The following ADGRL3 variants were observed in gnomAD, a reference collection of about 807,000 sequenced individuals.
The protein encoded by ADGRL3 is calcium-independent alpha-latrotoxin receptor 3.
A neutral mutation model predicts 153.5 loss-of-function variants in ADGRL3; 62 were observed. The ratio of observed to expected loss-of-function variants is 0.40; its 90% confidence interval spans 0.33 to 0.50. ADGRL3 has a LOEUF of 0.50. Among genes scored for constraint, ADGRL3 ranks in the 20% least tolerant of loss-of-function variants. The pLI is 0.47. For synonymous variants in ADGRL3, 710 were observed against 672.5 expected (o/e 1.06, Z -0.86); for missense variants, 1,641 against 1,859.4 (o/e 0.88, Z 2.16).
At chr4:61,933,762 C>T (rs963994019) in intron 13 of ADGRL3, 7 of 152,146 alleles carry the variant, frequency 4.6e-5, no homozygotes, top group Non-Finnish European at 1.0e-4. Context: ...CAGGAGAAAA[C>T]ACTGCATTGT....
At chr4:61,221,217 A>C (rs1168461739) in intron 1 of ADGRL3, among the ~76,000 whole-genome samples, 2 of 152,202 alleles carry the variant, frequency 1.3e-5, no homozygotes, top group Non-Finnish European at 2.9e-5. Context: ...ACATTTAGCA[A>C]ATGTATTGGA....
chr4:61,241,163 A>T (rs1056141463), intron 1 of ADGRL3, among the ~76,000 whole-genome samples: 2 of 152,040 alleles, frequency 1.3e-5, no homozygotes, highest in Non-Finnish European at 2.9e-5. Flanking sequence ...GCATCAGAAC[A>T]ATATAATAAA....
At chr4:62,004,865 GAATTT>G (rs1226199047) in intron 21 of ADGRL3, among the ~76,000 whole-genome samples, 4 of 152,004 alleles carry the variant, frequency 2.6e-5, no homozygotes, top group Middle Eastern at 3.2e-3. Context: ...TTCTGAAAGT[GAATTT>G]AATTTGTCTG....
chr4:61,421,594 A>C (rs567209114), intron 2 of ADGRL3, among the ~76,000 whole-genome samples: 1 of 152,278 alleles, frequency 6.6e-6, no homozygotes, highest in Admixed American at 6.5e-5. Flanking sequence ...AAATGCTTTG[A>C]TGCCACTTAC....
chr4:61,560,329 G>A (rs548577100), intron 4 of ADGRL3, among the ~76,000 whole-genome samples: 3 of 152,200 alleles, frequency 2.0e-5, no homozygotes, highest in Admixed American at 1.3e-4. Context: ...TATCTTTTAT[G>A]CACCTAGAAG....
chr4:61,571,050 G>A (rs2098836547), intron 4 of ADGRL3, among the ~76,000 whole-genome samples: 2 of 152,002 alleles, frequency 1.3e-5, no homozygotes, highest in South Asian at 4.1e-4. Context: ...TATCTCAAAA[G>A]ATATTTGCAA....
intron 2 of ADGRL3, chr4:61,420,789 C>CAAAAAAAA: frequency 8.9e-6 from 1 of 112,612 alleles, no homozygotes; most frequent in Non-Finnish European, 1.7e-5. Context: ...TACCCAAGGT[C>CAAAAAAAA]AAAAAAAAAA....
At chr4:61,481,310 TGTAA>T (rs2098129409) in intron 2 of ADGRL3, among the ~76,000 whole-genome samples, 1 of 152,102 alleles carries the variant, frequency 6.6e-6, no homozygotes, top group Non-Finnish European at 1.5e-5. Context: ...GATGGTGTTC[TGTAA>T]ATAGTGTGTG....
intron 5 of ADGRL3, among the ~76,000 whole-genome samples, chr4:61,621,723 C>T (rs77261335): frequency 7.3e-4 from 111 of 151,820 alleles, no homozygotes; most frequent in Non-Finnish European, 1.1e-3. Flanking sequence ...TACTTGTGGT[C>T]GTCAAGATAG....
chr4:61,898,469 G>A (rs2098644415), intron 11 of ADGRL3, among the ~76,000 whole-genome samples: 1 of 151,994 alleles, frequency 6.6e-6, no homozygotes, highest in Non-Finnish European at 1.5e-5. Context: ...CTCTAGAATG[G>A]GAATTCTGGC....
chr4:61,559,041 T>C (rs1177255120), intron 4 of ADGRL3, among the ~76,000 whole-genome samples: 1 of 152,112 alleles, frequency 6.6e-6, no homozygotes, highest in Non-Finnish European at 1.5e-5. Context: ...ATGAGAATAA[T>C]GCTTAGCACA....
chr4:61,227,499 G>A (rs576492229), intron 1 of ADGRL3, among the ~76,000 whole-genome samples: 2 of 152,200 alleles, frequency 1.3e-5, no homozygotes, highest in Non-Finnish European at 2.9e-5. Flanking sequence ...ATAAGCCATG[G>A]TGCCCAGCCC....
chr4:61,836,580 C>G (rs1290715117), intron 9 of ADGRL3, among the ~76,000 whole-genome samples: 1 of 151,940 alleles, frequency 6.6e-6, no homozygotes. Flanking sequence ...CTGAAGTACC[C>G]ATAATTTCAA....
intron 1 of ADGRL3, among the ~76,000 whole-genome samples, chr4:61,288,453 G>T (rs1252418927): frequency 6.6e-6 from 1 of 151,894 alleles, no homozygotes; most frequent in Non-Finnish European, 1.5e-5. Flanking sequence ...AAAATCTCTG[G>T]TTAAGATGGC....
intron 8 of ADGRL3, among the ~76,000 whole-genome samples, chr4:61,756,091 T>C (rs2096826453): frequency 1.3e-5 from 2 of 152,224 alleles, no homozygotes; most frequent in Non-Finnish European, 2.9e-5. Context: ...TAGGATTGAC[T>C]TGGCAATGCG....
At chr4:61,545,425 C>T (rs561375239) in intron 4 of ADGRL3, among the ~76,000 whole-genome samples, 60 of 152,268 alleles carry the variant, frequency 3.9e-4, no homozygotes, top group African/African-American at 1.4e-3. Context: ...CAGTGCCTCT[C>T]TTTCATATCT....
intron 1 of ADGRL3, among the ~76,000 whole-genome samples, chr4:61,352,727 G>A (rs1393140881): frequency 6.6e-6 from 1 of 152,068 alleles, no homozygotes; most frequent in Non-Finnish European, 1.5e-5. Context: ...AAAAAATTTT[G>A]TGACTTGCTT....
intron 1 of ADGRL3, among the ~76,000 whole-genome samples, chr4:61,377,357 T>C (rs932199948): frequency 6.6e-6 from 1 of 152,070 alleles, no homozygotes; most frequent in Non-Finnish European, 1.5e-5. Flanking sequence ...ATAAGCAAAA[T>C]TGTTGGGTAA....
At chr4:61,503,417 T>C (rs914254053) in intron 3 of ADGRL3, among the ~76,000 whole-genome samples, 1 of 152,064 alleles carries the variant, frequency 6.6e-6, no homozygotes, top group African/African-American at 2.4e-5. Flanking sequence ...TTCTGTAGGG[T>C]TGTTGTTTTA....
Sources: gnomAD v4.1 joint callset for allele counts (sites outside exome capture counted in the v4.1 genomes callset) on GRCh38, gnomAD v4.1.1 for gene constraint, MANE v1.5 for transcripts, NCBI Gene and HGNC (gene_info 2026-07-23, HGNC 2026-07-21) for gene names.